The following KDM8 variants were observed in gnomAD, a reference collection of about 807,000 sequenced individuals.
KDM8 encodes bifunctional peptidase and arginyl-hydroxylase JMJD5.
A neutral mutation model predicts 46.9 loss-of-function variants in KDM8; 35 were observed. The ratio of observed to expected loss-of-function variants is 0.75; its 90% CI spans 0.57 to 0.99. The LOEUF is 0.99. KDM8 is among the 50% of genes least tolerant of loss of function. The pLI is 0.00. For missense variants in KDM8, 475 were observed against 537.0 expected (o/e 0.88, Z 1.14); for synonymous variants, 232 against 227.7 (o/e 1.02, Z -0.17).
chr16:27,203,795 T>A, intron 1 of KDM8, 159 bp downstream of exon 1: 4 of 364,394 alleles, frequency 1.1e-5, no homozygotes, highest in Non-Finnish European at 2.0e-5. Context: ...AGTTGCCGCA[T>A]GCGCTCTGAG....
In KDM8 at chr16:27,203,559, A is replaced by G. The variant is rs1466069768; in HGVS notation, c.-109A>G. ...GCTAGCCTCTGGCTCCTCAGGGGAC[A>G]CAGCCGAGTGGTCGGACCAAACGCA... On this transcript the variant is annotated 5_prime_UTR_variant, in exon 1 of 8. Transcript: ENST00000286096. 6.5e-6 allele frequency: 1 copy of G among 153,210 alleles called. No individual in the cohort carries two copies. The highest frequency in any genetic ancestry group is 1.5e-5 in the Non-Finnish European group (1 of 68,316). The allele number at this position is 153,210 out of a possible 1,614,324, so 9.5% of individuals were successfully genotyped here. A position where few individuals can be genotyped will look rare whatever the true frequency, so the allele number is the denominator to read the frequency against.
rs148131512 is a variant in KDM8, at chr16:27,219,008, G to T, written c.891G>T (p.Leu297=). The change falls in exon 6 of 8, where the codon CTG becomes CTT. Residue 297 remains leucine (L), a synonymous_variant. Coordinates refer to ENST00000286096, the MANE Select transcript of KDM8 (RefSeq NM_024773.3). The part of the protein sequence containing the change: ...QDISIPDYCS[L]GDGEEEEITI... ...TCAGCATCCCCGACTACTGCAGCCTGGGCGATGGGGAGGAGGAGGAAATCA... is the reference window on the plus strand; with the variant it reads ...TCAGCATCCCCGACTACTGCAGCCTTGGCGATGGGGAGGAGGAGGAAATCA... 2 of 1,613,998 alleles carry T rather than the reference G, an allele frequency of 1.2e-6. No homozygotes were observed. Among genetic ancestry groups the T allele is most frequent in the Non-Finnish European group, 1.7e-6 (2 of 1,180,026 alleles).
At chr16:27,218,769 C>T (rs1478261611) in intron 5 of KDM8, among the ~76,000 whole-genome samples, 192 bp from the exon 6 acceptor site, 1 of 152,132 alleles carries the variant, frequency 6.6e-6, no homozygotes, top group Non-Finnish European at 1.5e-5. Context: ...ATCACTTGAG[C>T]CCAGGAGGCA....
intron 5 of KDM8, among the ~76,000 whole-genome samples, chr16:27,216,306 G>A (rs566835306): frequency 2.4e-4 from 37 of 152,126 alleles, no homozygotes; most frequent in Non-Finnish European, 3.8e-4. Context: ...GTTCAAGACC[G>A]GTGTGAACCA....
chr16:27,205,145 C>T (rs1182083969), intron 1 of KDM8, among the ~76,000 whole-genome samples: 1 of 152,186 alleles, frequency 6.6e-6, no homozygotes, highest in East Asian at 1.9e-4. Flanking sequence ...GTGAATTCTG[C>T]CTGGATGGTG....
At chr16:27,211,121 CTTTT>C (rs370003010) in intron 2 of KDM8, 1,005 of 392,572 alleles carry the variant, frequency 2.6e-3, no homozygotes, top group South Asian at 3.1e-3. Flanking sequence ...CATTTTCTCT[CTTTT>C]TTTTTTTTTT....
chr16:27,204,333 C>G, intron 1 of KDM8: 1 of 1,362,346 alleles, frequency 7.3e-7, no homozygotes. Flanking sequence ...ACAGGAGGTG[C>G]GCAGGCGTTG....
intron 1 of KDM8, among the ~76,000 whole-genome samples, chr16:27,207,071 G>A (rs576869375): frequency 6.6e-6 from 1 of 152,266 alleles, no homozygotes; most frequent in South Asian, 2.1e-4. Flanking sequence ...ACTTCACCTG[G>A]TCCTCAGACA....
At position 27,210,234 on chromosome 16, in the gene KDM8, C is replaced by T. The variant is rs35573099; in HGVS notation, c.111C>T (p.Leu37=). ...PHSKEDLKLD[L]GEKVERSVVT... ...GTAAAGAAGACCTGAAGTTGGACCTCGGGGAGAAAGTGGAGAGGAGCGTGG... is the reference window on the plus strand; with the variant it reads ...GTAAAGAAGACCTGAAGTTGGACCTTGGGGAGAAAGTGGAGAGGAGCGTGG... The change falls in exon 2 of 8, where the codon CTC becomes CTT. Residue 37 remains leucine, a synonymous_variant. Coordinates refer to ENST00000286096, the MANE Select transcript of KDM8 (RefSeq NM_024773.3). The T allele has an allele frequency of 3.0e-5, 48 of 1,613,138 alleles. No individual in the cohort carries two copies. The highest frequency in any genetic ancestry group is 3.8e-5 in the Non-Finnish European group (45 of 1,180,034).
chr16:27,207,592 T>C (rs2083440457), intron 1 of KDM8, among the ~76,000 whole-genome samples: 1 of 152,216 alleles, frequency 6.6e-6, no homozygotes, highest in Non-Finnish European at 1.5e-5. Flanking sequence ...TATAGTTTTA[T>C]TTTTTGAAAC....
chr16:27,215,804 GGGTTGGA>G, intron 4 of KDM8, 134 bp from the exon 5 acceptor site: 1 of 839,964 alleles, frequency 1.2e-6, no homozygotes, highest in South Asian at 1.4e-5. Flanking sequence ...GGGCCTCTAA[GGGTTGGA>G]GAGGACCACT....
intron 6 of KDM8, among the ~76,000 whole-genome samples, chr16:27,220,041 C>T (rs2083600022): frequency 6.6e-6 from 1 of 152,052 alleles, no homozygotes; most frequent in South Asian, 2.1e-4. Context: ...ATATTAAAAC[C>T]TAATCTCTAC....
In KDM8 at chr16:27,215,037, T is replaced by C. The variant is rs1438112636; in HGVS notation, c.798+29T>C. On this transcript the variant is annotated intron_variant, in intron 4 of 7. Coordinates refer to ENST00000286096, the MANE Select transcript of KDM8 (RefSeq NM_024773.3). The stretch of plus-strand genomic sequence containing the variant: ...CATCATGGGGACTGCTTTCCCCTAG[T>C]ACTTGCAAGGCAGAGAGCATAGTAC... 7 of 1,612,238 alleles carry C rather than the reference T, an allele frequency of 4.3e-6. No homozygotes were observed. In the African/African-American group the frequency reaches 9.3e-5, roughly 22 times the overall value.
intron 5 of KDM8, 130 bp from the exon 6 acceptor site, chr16:27,218,831 A>G: frequency 4.7e-6 from 5 of 1,075,092 alleles, no homozygotes; most frequent in Non-Finnish European, 6.9e-6. Context: ...TGAGAAACAG[A>G]GCCAGACCCT....
At chr16:27,210,718 G>A in intron 2 of KDM8, 97 bp downstream of exon 2, 1 of 1,210,554 alleles carries the variant, frequency 8.3e-7, no homozygotes, top group East Asian at 2.5e-5. Flanking sequence ...GAGGCCTCGT[G>A]GCCTGCAACC....
rs771480213 is a variant in KDM8 at position 27,220,479 on chromosome 16, G to A, written c.1080G>A (p.Thr360=). 142 of 1,614,024 alleles carry A rather than the reference G, an allele frequency of 8.8e-5. No homozygotes were observed. The highest frequency in any genetic ancestry group is 1.2e-4 in the Non-Finnish European group (137 of 1,179,996). Residue 360 remains threonine (T), a synonymous_variant, in exon 7 of 8, where the codon ACG becomes ACA. Transcript: ENST00000286096. ...ATGACACGCACCTTCTCCATAACAC[G>A]AGCCAGGTGGGCACTGGGGGTCTGG... The part of the protein sequence containing the change: ...YPHDTHLLHN[T]SQVDVENPDL...
In KDM8 at chr16:27,213,765, G is replaced by T. The variant is rs374058926; in HGVS notation, c.665+14G>T. The T allele has an allele frequency of 6.2e-7, 1 of 1,612,454 alleles. No individual in the cohort carries two copies. Among genetic ancestry groups the T allele is most frequent in the Non-Finnish European group, 8.5e-7 (1 of 1,179,064 alleles). ...GCAGAAGTGGAGGTGGGTGGTCGCTGAGGGAGGTGAGGTCCCTTTTCCCAT... is the reference window on the plus strand; with the variant it reads ...GCAGAAGTGGAGGTGGGTGGTCGCTTAGGGAGGTGAGGTCCCTTTTCCCAT... On this transcript the variant is annotated intron_variant, in intron 3 of 7. Coordinates refer to ENST00000286096, the MANE Select transcript of KDM8 (RefSeq NM_024773.3).
chr16:27,209,309 C>G (rs529037250), intron 1 of KDM8, among the ~76,000 whole-genome samples: 4 of 152,344 alleles, frequency 2.6e-5, no homozygotes, highest in African/African-American at 9.6e-5. Flanking sequence ...TTACTGCAAC[C>G]TTTGCCCCCA....
At chr16:27,219,149 C>A in intron 6 of KDM8, 39 bp downstream of exon 6, 2 of 1,559,156 alleles carry the variant, frequency 1.3e-6, no homozygotes, top group Non-Finnish European at 1.7e-6. Context: ...TCTAACTCCT[C>A]CTGGCCCAGA....
Sources: allele counts gnomAD v4.1 joint callset (sites outside exome capture counted in the v4.1 genomes callset), GRCh38; gene constraint gnomAD v4.1.1; transcripts MANE v1.5; gene names NCBI Gene and HGNC (gene_info 2026-07-23, HGNC 2026-07-21).